MCF2L2: variants seen among roughly 807,000 people sequenced by gnomAD.
MCF2L2 encodes MCF.2 cell line derived transforming sequence-like 2.
In MCF2L2, 102 loss-of-function variants were observed where a neutral mutation model predicts 150.2. That is an observed-to-expected ratio of 0.68 (90% CI 0.58 to 0.80). MCF2L2 has a LOEUF of 0.80. Among genes scored for constraint, MCF2L2 ranks in the 30% least tolerant of loss-of-function variants. The pLI is 0.00. For missense variants in MCF2L2, 1,256 were observed against 1,372.8 expected (o/e 0.91, Z 1.34); for synonymous variants, 465 against 491.3 (o/e 0.95, Z 0.71).
intron 15 of MCF2L2, chr3:183,254,153 A>G (rs1446504626): frequency 6.6e-6 from 1 of 151,628 alleles, no homozygotes; most frequent in Non-Finnish European, 1.5e-5. Context: ...CTCCGGGCCG[A>G]GCGAGGTCTC....
intron 3 of MCF2L2, among the ~76,000 whole-genome samples, chr3:183,346,749 C>T (rs917397466): frequency 3.3e-5 from 5 of 152,164 alleles, no homozygotes; most frequent in Admixed American, 2.6e-4. Context: ...AAATCATAAG[C>T]ATTTCTATTC....
chr3:183,390,017 T>C (rs990177737), intron 1 of MCF2L2, among the ~76,000 whole-genome samples: 7 of 152,126 alleles, frequency 4.6e-5, no homozygotes, highest in African/African-American at 1.4e-4. Context: ...TACCAAGGCT[T>C]TGGGAGGGAC....
At chr3:183,301,484 A>G (rs1728844614) in intron 10 of MCF2L2, among the ~76,000 whole-genome samples, 1 of 152,154 alleles carries the variant, frequency 6.6e-6, no homozygotes, top group South Asian at 2.1e-4. Flanking sequence ...CTATGCAGAA[A>G]AGACTTCACA....
chr3:183,254,986 C>A (rs1184047491), intron 15 of MCF2L2, among the ~76,000 whole-genome samples: 1 of 152,160 alleles, frequency 6.6e-6, no homozygotes, highest in Non-Finnish European at 1.5e-5. Context: ...CATTCTTGGC[C>A]GGTGTTGGTT....
intron 5 of MCF2L2, among the ~76,000 whole-genome samples, chr3:183,338,357 GA>G (rs1730568254): frequency 6.7e-6 from 1 of 149,218 alleles, no homozygotes; most frequent in African/African-American, 2.5e-5. Context: ...TGAGGCAGGA[GA>G]ATCACTTGAA....
chr3:183,193,409 G>A (rs1721972340), intron 26 of MCF2L2, among the ~76,000 whole-genome samples: 1 of 150,450 alleles, frequency 6.6e-6, no homozygotes, highest in African/African-American at 2.5e-5. Flanking sequence ...GGAGTGCAGT[G>A]GCGCAATCTT....
intron 21 of MCF2L2, among the ~76,000 whole-genome samples, chr3:183,218,859 A>G (rs1424061210): frequency 1.3e-5 from 2 of 152,048 alleles, no homozygotes; most frequent in South Asian, 4.1e-4. Flanking sequence ...TCCTCTAACT[A>G]GGGCTAGCTC....
At chr3:183,261,851 A>G (rs1725614285) in intron 15 of MCF2L2, among the ~76,000 whole-genome samples, 3 of 151,300 alleles carry the variant, frequency 2.0e-5, no homozygotes. Flanking sequence ...AGAGAGGATG[A>G]TTTTATGGTA....
Position 183,269,230 on chromosome 3 carries a change from C to CTTTTTTTTTTTTTTTTTTTTTTT in MCF2L2, c.1862+7641_1862+7642insAAAAAAAAAAAAAAAAAAAAAAA, listed in dbSNP as rs60835895. Among the ~76,000 whole-genome samples, 79 of 80,982 alleles carry CTTTTTTTTTTTTTTTTTTTTTTT rather than the reference C, an allele frequency of 9.8e-4. 21 individuals are homozygous for CTTTTTTTTTTTTTTTTTTTTTTT. The highest frequency in any genetic ancestry group is 4.3e-3 in the African/African-American group (68 of 15,750). 53.1% of individuals were successfully genotyped at this position (80,982 alleles called of 152,430 possible). A position where few individuals can be genotyped will look rare whatever the true frequency, so the allele number is the denominator to read the frequency against. On this transcript the variant is annotated intron_variant, in intron 15 of 29. Transcript: ENST00000328913. Reference sequence around the variant, plus strand: ...TACACGATTATAGCCGTTTGGGAAGCTTTTTTTTTTTTTTTTTTAAGAGTA... The same window carrying CTTTTTTTTTTTTTTTTTTTTTTT: ...TACACGATTATAGCCGTTTGGGAAGCTTTTTTTTTTTTTTTTTTTTTTTTTTTTTTTTTTTTTTTTTAAGAGTA...
At chr3:183,389,000 C>T (rs1021046402) in intron 2 of MCF2L2, among the ~76,000 whole-genome samples, 4 of 152,040 alleles carry the variant, frequency 2.6e-5, no homozygotes, top group Admixed American at 1.3e-4. Context: ...CCACTTTATC[C>T]CTCCATGTTA....
Position 183,224,104 on chromosome 3 carries a change from G to A in MCF2L2, c.2202C>T (p.Tyr734=). 1.2e-6 allele frequency: 2 copies of A among 1,613,158 alleles called. No individual in the cohort carries two copies. The highest frequency in any genetic ancestry group is 1.7e-6 in the Non-Finnish European group (2 of 1,179,154). Reference sequence around the variant, plus strand: ...TTTGTCTTCTCAACATTACCCCAAAGTAGGCGCAGTCTTGACACTCTTGCC... The same window carrying A: ...TTTGTCTTCTCAACATTACCCCAAAATAGGCGCAGTCTTGACACTCTTGCC... ...AIWQECQDCA[Y]FGVCQRQLDH... Residue 734 remains tyrosine, a synonymous_variant, in exon 19 of 30, where the codon TAC becomes TAT. Coordinates refer to ENST00000328913, the MANE Select transcript of MCF2L2 (RefSeq NM_015078.4).
At chr3:183,334,949 T>A (rs548675274) in intron 5 of MCF2L2, among the ~76,000 whole-genome samples, 2 of 151,428 alleles carry the variant, frequency 1.3e-5, no homozygotes, top group South Asian at 4.2e-4. Context: ...TACAAAAAAA[T>A]TTTAAAAATA....
chr3:183,380,654 G>A (rs1436481762), intron 2 of MCF2L2, among the ~76,000 whole-genome samples: 5 of 152,218 alleles, frequency 3.3e-5, no homozygotes, highest in South Asian at 2.1e-4. Context: ...CACCCGCCTC[G>A]GCCTCCCAAA....
At chr3:183,411,182 T>C (rs1217185014) in intron 1 of MCF2L2, among the ~76,000 whole-genome samples, 3 of 152,230 alleles carry the variant, frequency 2.0e-5, no homozygotes, top group African/African-American at 4.8e-5. Flanking sequence ...GAATTACATA[T>C]GCATGTCTTT....
chr3:183,231,227 A>G (rs1252756102), intron 15 of MCF2L2: 1 of 660,902 alleles, frequency 1.5e-6, no homozygotes, highest in African/African-American at 1.8e-5. Flanking sequence ...TATCAAGAAG[A>G]AACAGCAAGG....
chr3:183,411,922 ACT>A (rs2108622939), intron 1 of MCF2L2, among the ~76,000 whole-genome samples: 1 of 152,288 alleles, frequency 6.6e-6, no homozygotes, highest in South Asian at 2.1e-4. Flanking sequence ...AGTATGGCAA[ACT>A]CTGTAACATG....
chr3:183,376,604 A>G (rs1472366941), intron 3 of MCF2L2: 1 of 152,246 alleles, frequency 6.6e-6, no homozygotes, highest in Non-Finnish European at 1.5e-5. Context: ...TAGGAATGGA[A>G]AAACTTCACC....
At chr3:183,204,563 A>T (rs1722405954) in intron 25 of MCF2L2, among the ~76,000 whole-genome samples, 1 of 152,160 alleles carries the variant, frequency 6.6e-6, no homozygotes, top group South Asian at 2.1e-4. Flanking sequence ...GCTGGTGTGA[A>T]TGTGAAATGG....
intron 15 of MCF2L2, among the ~76,000 whole-genome samples, chr3:183,234,687 C>CTT (rs71185647): frequency 0.031 from 2,575 of 84,124 alleles, 164 homozygotes; most frequent in African/African-American, 0.11. Context: ...ATGTATGACT[C>CTT]TTTTTTTTTT....
Sources: gnomAD v4.1 joint callset for allele counts (sites outside exome capture counted in the v4.1 genomes callset) on GRCh38, gnomAD v4.1.1 for gene constraint, MANE v1.5 for transcripts, NCBI Gene and HGNC (gene_info 2026-07-23, HGNC 2026-07-21) for gene names.